The following EHMT2 variants were observed in gnomAD, a reference collection of about 807,000 sequenced individuals.
EHMT2 encodes histone-lysine N-methyltransferase EHMT2.
A neutral mutation model predicts 143.3 loss-of-function variants in EHMT2; 59 were observed. The ratio of observed to expected loss-of-function variants is 0.41; its 90% CI spans 0.33 to 0.51. The LOEUF (loss-of-function observed/expected upper bound fraction) is 0.51, where lower values mean the gene tolerates loss of function less well. Among genes scored for constraint, EHMT2 ranks in the 20% least tolerant of loss-of-function variants. The probability of loss-of-function intolerance (pLI) is 0.18; values close to 1 mark genes in which losing one functional copy is unlikely to be tolerated. For synonymous variants in EHMT2, 604 were observed against 651.5 expected (o/e 0.93, Z 1.11); for missense variants, 1,174 against 1,645.9 (o/e 0.71, Z 4.96).
At chr6:31,895,976 G>A in intron 4 of EHMT2, 1 of 364,494 alleles carries the variant, frequency 2.7e-6, no homozygotes, top group South Asian at 1.0e-4. Flanking sequence ...TAGAAAGGAA[G>A]AGTGGTTTGA....
In EHMT2 at chr6:31,880,101, G is replaced by C. The variant is rs757151937; in HGVS notation, c.3616C>G (p.Pro1206Ala). Residue 1206 changes from proline (P) to alanine (A), a missense_variant, in exon 28 of 28, where the codon CCC (proline) becomes GCC (alanine). Pro to Ala is a conservative substitution (Grantham distance 27). Coordinates refer to ENST00000375537, the Ensembl canonical transcript of EHMT2. This position sits in a 1 kb window ranked among gnomAD's most constrained non-coding sequence, Gnocchi z 6.6. The stretch of plus-strand genomic sequence containing the variant: ...GTCCGTTCTCATGTGTTGACAGGGG[G>C]CAGGGAGCCGAGCTCGGGCAGCAGC... 1 of 1,612,648 alleles carries C rather than the reference G, an allele frequency of 6.2e-7. No individual in the cohort carries two copies. The highest frequency in any genetic ancestry group is 2.2e-5 in the East Asian group (1 of 44,886).
chr6:31,880,185 A>T lies in EHMT2; in HGVS notation c.3532T>A (p.Ser1178Thr). The change falls in exon 28 of 28, where the codon TCA becomes ACA. Residue 1178 changes from serine to threonine, a missense_variant. Around this residue, in one of 6 missense-constraint regions of EHMT2, gnomAD observed 42 missense variants for 45.1 expected, o/e 0.93. Coordinates refer to ENST00000375537, the Ensembl canonical transcript of EHMT2. The surrounding 1 kb of genome is among the most constrained non-coding windows in gnomAD (Gnocchi z 6.6). ...TGCTCCAGGGCAATGGCTTCGGCTG[A>T]GTGCTTGCACTTCTCAGAGCCACAT... 1 of 1,613,018 alleles carries T rather than the reference A, an allele frequency of 6.2e-7. No individual in the cohort carries two copies. Among genetic ancestry groups the T allele is most frequent in the Non-Finnish European group, 8.5e-7 (1 of 1,180,022 alleles).
Position 31,880,906 on chromosome 6 carries a change from CCACT to C in EHMT2, c.3277-62_3277-59del, listed in dbSNP as rs1764026152. 6 of 1,609,078 alleles carry C rather than the reference CCACT, an allele frequency of 3.7e-6. No homozygotes were observed. In the Admixed American group the frequency reaches 5.0e-5, roughly 13 times the overall value. On this transcript the variant is annotated intron_variant, in intron 26 of 27. Transcript: ENST00000375537. The surrounding 1 kb of genome is among the most constrained non-coding windows in gnomAD (Gnocchi z 6.6). ...CCCCGACCCTGCTTGCCCTCCCCAC[CCACT>C]GACTCCCCAGTCCCTCCTCCCCAGG...
Position 31,880,541 on chromosome 6 carries a change from T to TA in EHMT2, c.3452+131dup. 1 of 1,029,220 alleles carries TA rather than the reference T, an allele frequency of 9.7e-7. No individual in the cohort carries two copies. The highest frequency in any genetic ancestry group is 1.4e-6 in the Non-Finnish European group (1 of 711,422). 63.8% of individuals were successfully genotyped at this position (1,029,220 alleles called of 1,614,324 possible). A position where few individuals can be genotyped will look rare whatever the true frequency, so the allele number is the denominator to read the frequency against. ...TTCCCCAAGTCCTCCAGGAAATACT[T>TA]ATGTACACTGAAATCTGAGAAGCTC... is the stretch of plus-strand genomic sequence containing the variant. On this transcript the variant is annotated intron_variant, in intron 27 of 27. Coordinates refer to ENST00000375537, the Ensembl canonical transcript of EHMT2. The surrounding 1 kb of genome is among the most constrained non-coding windows in gnomAD (Gnocchi z 6.6).
At chr6:31,897,034 A>G in intron 1 of EHMT2, 45 bp from the exon 2 acceptor site, 2 of 1,521,122 alleles carry the variant, frequency 1.3e-6, no homozygotes, top group Non-Finnish European at 1.8e-6. Context: ...AGCCCAGTAG[A>G]GAGTTGGGGG....
At position 31,884,438 on chromosome 6, in the gene EHMT2, G is replaced by T; in HGVS notation, c.2725C>A (p.Leu909Ile). 6.2e-7 allele frequency: 1 copy of T among 1,612,914 alleles called. No homozygotes were observed. Among genetic ancestry groups the T allele is most frequent in the East Asian group, 2.2e-5 (1 of 44,878 alleles). The change falls in exon 21 of 28, where the codon CTT becomes ATT. Residue 909 changes from leucine (L) to isoleucine (I), a missense_variant. Around this residue, in one of 6 missense-constraint regions of EHMT2, gnomAD observed 608 missense variants for 903.7 expected, o/e 0.67. Coordinates refer to ENST00000375537, the Ensembl canonical transcript of EHMT2. The surrounding 1 kb of genome is among the most constrained non-coding windows in gnomAD (Gnocchi z 7.3). ...CGGATGGCCCGATTTCCCACCCCAA[G>T]TCGGAGCTTGCGGTTGAGTTGAAGC... is the stretch of plus-strand genomic sequence containing the variant.
chr6:31,896,369 C>A (rs746200847), exon 4 of EHMT2: 1 of 1,612,966 alleles, frequency 6.2e-7, no homozygotes, highest in Admixed American at 1.7e-5. Flanking sequence ...TGCTGCAGCT[C>A]CCTGGGCTCC....
In EHMT2 at chr6:31,896,517, CTAG is replaced by C; in HGVS notation, c.329-4_329-2del. The C allele has an allele frequency of 6.2e-7, 1 of 1,612,372 alleles. No homozygotes were observed. The highest frequency in any genetic ancestry group is 8.5e-7 in the Non-Finnish European group (1 of 1,179,632). On this transcript the variant is annotated splice_acceptor_variant and splice_polypyrimidine_tract_variant and intron_variant, in intron 3 of 27. Coordinates refer to ENST00000375537, the Ensembl canonical transcript of EHMT2. LOFTEE classifies it high-confidence loss of function. ...GAGGGGAATGACTTTGTGGCATGGC[CTAG>C]AAAACAGGCAAGCAAAAGGCAAGAT...
In EHMT2 at chr6:31,887,052, C is replaced by T. The variant is rs762523692; in HGVS notation, c.2061G>A (p.Thr687=). 3.9e-5 allele frequency: 63 copies of T among 1,612,936 alleles called. No individual in the cohort carries two copies. In the East Asian group the frequency reaches 1.1e-3, roughly 29 times the overall value. ...CCTTCTGGGCGGCTGCATGCAGGGGCGTGCGCTTGCTCTGCTGGTCGCTCT... is the reference window on the plus strand; with the variant it reads ...CCTTCTGGGCGGCTGCATGCAGGGGTGTGCGCTTGCTCTGCTGGTCGCTCT... The change falls in exon 16 of 28, where the codon ACG becomes ACA. Residue 687 remains threonine (T), a synonymous_variant. Transcript: ENST00000375537.
intron 25 of EHMT2, 122 bp downstream of exon 25, chr6:31,882,577 G>GCTCA: frequency 2.0e-6 from 2 of 982,544 alleles, no homozygotes; most frequent in Admixed American, 4.2e-5. Flanking sequence ...GAGGCTGGCT[G>GCTCA]GAGAGTGGCC....
chr6:31,896,627 G>A (rs1034605363), exon 3 of EHMT2: 11 of 1,585,598 alleles, frequency 6.9e-6, no homozygotes, highest in African/African-American at 4.0e-5. Context: ...CGGCCCCCAC[G>A]GAGGTCCCCA....
At chr6:31,893,493 T>A (rs1765972531) in intron 4 of EHMT2, 1 of 348,196 alleles carries the variant, frequency 2.9e-6, no homozygotes, top group Admixed American at 3.7e-5. Context: ...AATGTCTTCT[T>A]AATTTTTTTT....
At position 31,886,479 on chromosome 6, in the gene EHMT2, AGT is replaced by A. The variant is rs554769162; in HGVS notation, c.2343+100_2343+101del. The A allele has an allele frequency of 3.9e-5, 34 of 871,874 alleles. No homozygotes were observed. The South Asian group carries it at 5.2e-4, about 13-fold the overall frequency. 54.0% of individuals were successfully genotyped at this position (871,874 alleles called of 1,614,324 possible). On this transcript the variant is annotated intron_variant, in intron 18 of 27. Coordinates refer to ENST00000375537, the Ensembl canonical transcript of EHMT2. The stretch of plus-strand genomic sequence containing the variant: ...GAAAGCAATGAGGACAGACACGAGC[AGT>A]GTGAGGTCAGATGTAGGAAAGGCGG...
chr6:31,884,647 C>A lies in EHMT2; in HGVS notation c.2601G>T (p.Val867=), dbSNP rs1207447419. Reference sequence around the variant, plus strand: ...TCAAGGGCGGGGCAGGGGCTCACAGCACGCAGTCATGGTAGCTCTCCCGAG... The same window carrying A: ...TCAAGGGCGGGGCAGGGGCTCACAGAACGCAGTCATGGTAGCTCTCCCGAG... Residue 867 remains valine, a splice_region_variant and synonymous_variant, in exon 20 of 28, where the codon GTG becomes GTT. Transcript: ENST00000375537. This position sits in a 1 kb window ranked among gnomAD's most constrained non-coding sequence, Gnocchi z 7.3. The A allele has an allele frequency of 6.3e-7, 1 of 1,587,666 alleles. No individual in the cohort carries two copies. The highest frequency in any genetic ancestry group is 1.1e-5 in the South Asian group (1 of 87,536).
chr6:31,897,119 T>G, intron 1 of EHMT2, 130 bp from the exon 2 acceptor site: 1 of 1,412,606 alleles, frequency 7.1e-7, no homozygotes, highest in Non-Finnish European at 9.2e-7. Flanking sequence ...GCCCCCCCCT[T>G]CCGCGGCCTC....
Position 31,888,722 on chromosome 6 carries a change from C to T in EHMT2, c.1242G>A (p.Leu414=), listed in dbSNP as rs1562497178. ...ACTCCTCAAACCCTCGCTCTGTCTC[C>T]AGCGAAGATGTGTCATTGGACACCC... is the stretch of plus-strand genomic sequence containing the variant. The change falls in exon 11 of 28, where the codon CTG becomes CTA. Residue 414 remains leucine, a synonymous_variant. Coordinates refer to ENST00000375537, the Ensembl canonical transcript of EHMT2. This position sits in a 1 kb window ranked among gnomAD's most constrained non-coding sequence, Gnocchi z 7.4. 6.2e-7 allele frequency: 1 copy of T among 1,613,550 alleles called. No homozygotes were observed. Among genetic ancestry groups the T allele is most frequent in the East Asian group, 2.2e-5 (1 of 44,868 alleles).
chr6:31,896,370 C>T (rs1478960294), exon 4 of EHMT2: 1 of 1,612,970 alleles, frequency 6.2e-7, no homozygotes, highest in Non-Finnish European at 8.5e-7. Context: ...GCTGCAGCTC[C>T]CTGGGCTCCT....
chr6:31,880,906 C>T lies in EHMT2; in HGVS notation c.3277-58G>A. 10 of 1,609,196 alleles carry T rather than the reference C, an allele frequency of 6.2e-6. No homozygotes were observed. The highest frequency in any genetic ancestry group is 8.5e-6 in the Non-Finnish European group (10 of 1,176,740). On this transcript the variant is annotated intron_variant, in intron 26 of 27. Coordinates refer to ENST00000375537, the Ensembl canonical transcript of EHMT2. This position sits in a 1 kb window ranked among gnomAD's most constrained non-coding sequence, Gnocchi z 6.6. ...CCCCGACCCTGCTTGCCCTCCCCAC[C>T]CACTGACTCCCCAGTCCCTCCTCCC...
rs1218919293 is a variant in EHMT2, at chr6:31,881,842, G to A, written c.3198-750C>T. The stretch of plus-strand genomic sequence containing the variant: ...AGAATGGTCAGGCACGGTGGCTCAC[G>A]CCTGTAATCCCAGCACTTTGGGAGG... On this transcript the variant is annotated intron_variant, in intron 25 of 27. Coordinates refer to ENST00000375537, the Ensembl canonical transcript of EHMT2. This position sits in a 1 kb window ranked among gnomAD's most constrained non-coding sequence, Gnocchi z 4.8. Among the ~76,000 whole-genome samples, 2 of 152,132 alleles carry A rather than the reference G, an allele frequency of 1.3e-5. No homozygotes were observed. The highest frequency in any genetic ancestry group is 1.9e-4 in the East Asian group (1 of 5,192).
Sources: allele counts gnomAD v4.1 joint callset (sites outside exome capture counted in the v4.1 genomes callset), GRCh38; gene constraint gnomAD v4.1.1; regional missense constraint gnomAD v4.1.1; non-coding constraint Gnocchi (gnomAD v3.1); transcripts MANE v1.5; gene names NCBI Gene and HGNC (gene_info 2026-07-23, HGNC 2026-07-21).